SYN3: variants seen among roughly 807,000 people sequenced by gnomAD.
SYN3 encodes the protein synapsin-3.
A neutral mutation model predicts 65.8 loss-of-function variants in SYN3; 35 were observed. The observed-to-expected ratio is 0.53, with a 90% CI of 0.41 to 0.70. The LOEUF is 0.70. Ranked by LOEUF, SYN3 falls within the 30% of genes least tolerant of loss-of-function variation. The pLI is 0.00. For missense variants in SYN3, 680 were observed against 749.0 expected (o/e 0.91, Z 1.08); for synonymous variants, 270 against 292.9 (o/e 0.92, Z 0.80).
intron 4 of SYN3, among the ~76,000 whole-genome samples, chr22:32,869,330 T>TTCTCTCTCTCTCCCTCTC (rs561782145): frequency 2.5e-5 from 3 of 120,924 alleles, no homozygotes; most frequent in African/African-American, 8.7e-5. Context: ...ACTATATATA[T>TTCTCTCTCTCTCCCTCTC]TCTCTCTCTC....
At chr22:32,920,982 G>C (rs2050321491) in intron 4 of SYN3, among the ~76,000 whole-genome samples, 1 of 152,122 alleles carries the variant, frequency 6.6e-6, no homozygotes, top group Non-Finnish European at 1.5e-5. Flanking sequence ...AAACCTACTA[G>C]ATTTAGTCTA....
intron 6 of SYN3, among the ~76,000 whole-genome samples, chr22:32,864,058 C>T (rs1041228322): frequency 6.6e-6 from 1 of 152,140 alleles, no homozygotes; most frequent in African/African-American, 2.4e-5. Context: ...TGCAGTCCTA[C>T]CCATCAGTAT....
chr22:32,994,522 G>T (rs2052822231), intron 2 of SYN3, among the ~76,000 whole-genome samples: 1 of 152,168 alleles, frequency 6.6e-6, no homozygotes, highest in African/African-American at 2.4e-5. Flanking sequence ...AACAGGCAGG[G>T]CCTGCCCTTG....
chr22:32,802,246 C>T lies in SYN3; in HGVS notation c.711+62669G>A, dbSNP rs1020191402. ...AGGAGAGGGGCAGACGGGGTTGGGG[C>T]GGAGTGGAGAAACTCGATGTCCTTG... On this transcript the variant is annotated intron_variant, in intron 6 of 13. Transcript: ENST00000358763. 1.0e-5 allele frequency: 14 copies of T among 1,387,354 alleles called. No individual in the cohort carries two copies. In the Admixed American group the frequency reaches 3.5e-4, roughly 35 times the overall value. 85.9% of individuals were successfully genotyped at this position (1,387,354 alleles called of 1,614,324 possible).
intron 3 of SYN3, among the ~76,000 whole-genome samples, chr22:32,961,637 G>A (rs988972581): frequency 6.6e-5 from 10 of 152,242 alleles, no homozygotes; most frequent in African/African-American, 2.4e-4. Context: ...GTCATCCAGT[G>A]GGTTTGGTCT....
chr22:32,692,554 G>T (rs2060679758), intron 6 of SYN3, among the ~76,000 whole-genome samples: 1 of 152,172 alleles, frequency 6.6e-6, no homozygotes, highest in Non-Finnish European at 1.5e-5. Flanking sequence ...CAACCACCCT[G>T]GAGGCCTTGT....
At position 33,036,941 on chromosome 22, in the gene SYN3, T is replaced by C. The variant is rs931647080; in HGVS notation, c.-163+21351A>G. ...CCTGACCTCAGGTGATCCGCCCACC[T>C]CGGCCTCCCAAAGTGCTGGGATTAT... On this transcript the variant is annotated intron_variant, in intron 1 of 13. Coordinates refer to ENST00000358763, the MANE Select transcript of SYN3 (RefSeq NM_003490.4). 2.0e-5 allele frequency among the ~76,000 whole-genome samples: 3 copies of C among 152,234 alleles called. No homozygotes were observed. In the South Asian group the frequency reaches 6.2e-4, roughly 32 times the overall value.
chr22:32,515,385 C>G (rs1026210636), intron 13 of SYN3, among the ~76,000 whole-genome samples: 3 of 152,104 alleles, frequency 2.0e-5, no homozygotes, highest in Non-Finnish European at 4.4e-5. Context: ...TAACCCTGTG[C>G]GGTTATTGTC....
intron 6 of SYN3, among the ~76,000 whole-genome samples, chr22:32,717,776 C>T (rs182376303): frequency 6.2e-4 from 95 of 152,168 alleles, no homozygotes; most frequent in South Asian, 2.1e-3. Context: ...AGTCAGACTG[C>T]TGGAGTCTGA....
chr22:32,772,269 T>C (rs76307741), intron 6 of SYN3, among the ~76,000 whole-genome samples: 3,285 of 150,388 alleles, frequency 0.022, 58 homozygotes, highest in Non-Finnish European at 0.036. Context: ...CTTTTCTTTT[T>C]TTTTTTTTTC....
At chr22:32,603,803 G>C (rs943748878) in intron 6 of SYN3, among the ~76,000 whole-genome samples, 9 of 152,214 alleles carry the variant, frequency 5.9e-5, no homozygotes, top group Non-Finnish European at 1.0e-4. Flanking sequence ...GCCGAGGTCT[G>C]CATCAGCCTC....
At chr22:32,931,108 A>G in intron 4 of SYN3, 1 of 306,504 alleles carries the variant, frequency 3.3e-6, no homozygotes, top group Non-Finnish European at 6.3e-6. Flanking sequence ...AGAGGACAAA[A>G]GGGACTAAAT....
chr22:32,723,019 A>G (rs892733565), intron 6 of SYN3, among the ~76,000 whole-genome samples: 4 of 152,196 alleles, frequency 2.6e-5, no homozygotes, highest in African/African-American at 7.2e-5. Context: ...GCTCCATTTC[A>G]TTGATGAGAA....
chr22:32,850,575 TAC>T (rs2048190281), intron 6 of SYN3, among the ~76,000 whole-genome samples: 1 of 152,124 alleles, frequency 6.6e-6, no homozygotes. Flanking sequence ...GTGAGGGAGA[TAC>T]AGTTTCCATC....
At chr22:32,869,935 G>T (rs1543803) in intron 4 of SYN3, among the ~76,000 whole-genome samples, 41,746 of 151,826 alleles carry the variant, frequency 0.27, 5,954 homozygotes, top group African/African-American at 0.32. Context: ...GAGCCGCATT[G>T]GAACTCAGGT....
chr22:32,587,097 C>CT, intron 7 of SYN3, among the ~76,000 whole-genome samples: 1 of 151,994 alleles, frequency 6.6e-6, no homozygotes, highest in Non-Finnish European at 1.5e-5. Flanking sequence ...TGGCCTGCGT[C>CT]TGTAGTCCCA....
intron 4 of SYN3, among the ~76,000 whole-genome samples, chr22:32,898,850 C>A (rs1601648603): frequency 6.6e-6 from 1 of 152,166 alleles, no homozygotes; most frequent in East Asian, 1.9e-4. Context: ...CGCCTGTAAT[C>A]CCAACACTTT....
intron 4 of SYN3, among the ~76,000 whole-genome samples, chr22:32,926,294 T>C (rs1308123916): frequency 6.6e-6 from 1 of 152,232 alleles, no homozygotes; most frequent in Admixed American, 6.5e-5. Flanking sequence ...TTTATAGTAC[T>C]TGTGTGCAAA....
intron 6 of SYN3, among the ~76,000 whole-genome samples, chr22:32,664,107 C>A (rs1428841134): frequency 6.6e-6 from 1 of 152,218 alleles, no homozygotes; most frequent in South Asian, 2.1e-4. Flanking sequence ...GTAAGAGCTA[C>A]AGGGAGTCTT....
Sources: gnomAD v4.1 joint callset for allele counts (sites outside exome capture counted in the v4.1 genomes callset) on GRCh38, gnomAD v4.1.1 for gene constraint, MANE v1.5 for transcripts, NCBI Gene and HGNC (gene_info 2026-07-23, HGNC 2026-07-21) for gene names.